Variants in CCND3 observed in about 807,000 individuals in gnomAD.
CCND3 encodes the protein G1/S-specific cyclin-D3.
Under a neutral mutation model 28.7 loss-of-function variants are expected in CCND3, and 9 were observed. The observed-to-expected ratio is 0.31, with a 90% CI of 0.19 to 0.55. CCND3 has a LOEUF of 0.55. Among genes scored for constraint, CCND3 ranks in the 20% least tolerant of loss-of-function variants. CCND3 has a pLI of 0.93. For synonymous variants in CCND3, 164 were observed against 163.9 expected, an observed-to-expected ratio of 1.00 and a Z score of 0.00; for missense variants, 315 against 385.8, an observed-to-expected ratio of 0.82 and a Z score of 1.54.
chr6:41,936,568 G>A lies in CCND3; in HGVS notation c.702C>T (p.Gly234=), dbSNP rs1441983662. The change falls in exon 4 of 5, where the codon GGC becomes GGT. Residue 234 remains glycine (G), a synonymous_variant. Coordinates refer to ENST00000372991, the MANE Select transcript of CCND3 (RefSeq NM_001760.5). This position sits in a 1 kb window ranked among gnomAD's most constrained non-coding sequence, Gnocchi z 4.4. The part of the protein sequence containing the change: ...ELTELLAGIT[G]TEVDCLRACQ... ...GCTACCCAGCACTCACCACTTCAGT[G>A]CCAGTGATCCCTGCCAGCAGCTCTG... 3 of 1,614,036 alleles carry A rather than the reference G, an allele frequency of 1.9e-6. No homozygotes were observed. The highest frequency in any genetic ancestry group is 3.3e-5 in the Admixed American group (2 of 59,998).
intron 1 of CCND3, among the ~76,000 whole-genome samples, chr6:42,040,852 A>AAAAC (rs762079409): frequency 1.3e-5 from 2 of 151,622 alleles, no homozygotes; most frequent in Non-Finnish European, 2.9e-5. Context: ...CTCCATCTCA[A>AAAAC]AAACAAACAA....
chr6:41,960,491 GA>G (rs1423835614), intron 1 of CCND3, among the ~76,000 whole-genome samples: 3 of 152,206 alleles, frequency 2.0e-5, no homozygotes, highest in African/African-American at 7.2e-5. Context: ...ACGAGTGATT[GA>G]GAGCACGGGG....
At chr6:42,031,871 C>CGGCGCGAT (rs1764056357) in intron 1 of CCND3, among the ~76,000 whole-genome samples, 2 of 148,826 alleles carry the variant, frequency 1.3e-5, no homozygotes, top group South Asian at 4.2e-4. Context: ...CTCACTGCAA[C>CGGCGCGAT]CTCCGCCTCC....
At chr6:41,937,978 C>T (rs1775863588) in intron 2 of CCND3, among the ~76,000 whole-genome samples, 1 of 152,192 alleles carries the variant, frequency 6.6e-6, no homozygotes, top group Non-Finnish European at 1.5e-5. Flanking sequence ...CAACCCAAGC[C>T]ACATCCCCTT....
chr6:41,936,348 A>G lies in CCND3; in HGVS notation c.711+211T>C. The G allele has an allele frequency of 1.5e-6, 1 of 680,004 alleles. No individual in the cohort carries two copies. The highest frequency in any genetic ancestry group is 2.4e-6 in the Non-Finnish European group (1 of 413,344). 42.1% of individuals were successfully genotyped at this position (680,004 alleles called of 1,614,324 possible). On this transcript the variant is annotated intron_variant, in intron 4 of 4. Transcript: ENST00000372991. This position sits in a 1 kb window ranked among gnomAD's most constrained non-coding sequence, Gnocchi z 4.4. ...CCACTCCAGCACACCACTTGGCAAG[A>G]AAAGAACCCCTAGGGCCAGTGCCCT... is the stretch of plus-strand genomic sequence containing the variant.
chr6:41,954,653 C>T (rs1288429876), intron 1 of CCND3, among the ~76,000 whole-genome samples: 1 of 152,094 alleles, frequency 6.6e-6, no homozygotes. Flanking sequence ...TCTGCTTCCA[C>T]CTCCCAAAGT....
chr6:41,959,487 A>T (rs1281182640), intron 1 of CCND3, among the ~76,000 whole-genome samples: 1 of 151,828 alleles, frequency 6.6e-6, no homozygotes, highest in East Asian at 1.9e-4. Context: ...GATTGAGACC[A>T]TCCTGGCCAA....
At chr6:42,013,240 T>C (rs921255483) in intron 1 of CCND3, among the ~76,000 whole-genome samples, 5 of 152,148 alleles carry the variant, frequency 3.3e-5, no homozygotes, top group Non-Finnish European at 5.9e-5. Context: ...CAGCCTAAGG[T>C]AGAGTTGGGC....
chr6:41,988,135 G>A (rs1762541037), intron 1 of CCND3, among the ~76,000 whole-genome samples: 1 of 151,802 alleles, frequency 6.6e-6, no homozygotes, highest in Non-Finnish European at 1.5e-5. Context: ...GACCAACATG[G>A]AGAAACCCTG....
In CCND3 at chr6:42,048,451, G is replaced by A. The variant is rs1235926026; in HGVS notation, c.-46+50C>T. On this transcript the variant is annotated intron_variant, in intron 1 of 4. Transcript: ENST00000372988. This position sits in a 1 kb window ranked among gnomAD's most constrained non-coding sequence, Gnocchi z 4.7. The stretch of plus-strand genomic sequence containing the variant: ...ACCGATCCCCAACGCATGGTCTCCA[G>A]CCTGAGCTGACATCCCATCTACCCC... 2.2e-6 allele frequency: 1 copy of A among 460,302 alleles called. No individual in the cohort carries two copies. The highest frequency in any genetic ancestry group is 4.4e-6 in the Non-Finnish European group (1 of 229,784). The allele number at this position is 460,302 out of a possible 1,614,324, so 28.5% of individuals were successfully genotyped here. A position where few individuals can be genotyped will look rare whatever the true frequency, so the allele number is the denominator to read the frequency against.
intron 1 of CCND3, among the ~76,000 whole-genome samples, chr6:42,046,437 A>G (rs1764545305): frequency 6.6e-6 from 1 of 152,176 alleles, no homozygotes; most frequent in Non-Finnish European, 1.5e-5. Flanking sequence ...CACATCTAGA[A>G]TGTGAGCATC....
intron 1 of CCND3, among the ~76,000 whole-genome samples, chr6:42,038,664 A>C (rs750929501): frequency 5.9e-5 from 9 of 152,208 alleles, no homozygotes; most frequent in Non-Finnish European, 8.8e-5. Context: ...AATACTATAG[A>C]AAAAGAATAA....
intron 1 of CCND3, among the ~76,000 whole-genome samples, chr6:42,036,377 CTATATATA>C (rs1162806893): frequency 4.9e-4 from 29 of 59,572 alleles, no homozygotes; most frequent in South Asian, 2.0e-3. Flanking sequence ...TGCATATATA[CTATATATA>C]TATATATATA....
chr6:42,022,982 G>A (rs948971376), intron 1 of CCND3, among the ~76,000 whole-genome samples: 3 of 152,214 alleles, frequency 2.0e-5, no homozygotes, highest in Non-Finnish European at 4.4e-5. Flanking sequence ...ACCATGTACG[G>A]GTACAGCCAA....
Position 41,994,856 on chromosome 6 carries a change from G to A in CCND3, c.-46+53645C>T, listed in dbSNP as rs148012101. 8.7e-4 allele frequency among the ~76,000 whole-genome samples: 133 copies of A among 152,096 alleles called. 2 individuals are homozygous for A. In the East Asian group the frequency reaches 0.017, roughly 20 times the overall value. ...TGGGAGTCCGAGGTGGGCAGATCAC[G>A]AGGTCAGGAGTTCCAGACCAGGCTG... On this transcript the variant is annotated intron_variant, in intron 1 of 4. Coordinates refer to the CCND3 transcript ENST00000372988.
chr6:41,961,647 T>C (rs1761720095), intron 1 of CCND3, among the ~76,000 whole-genome samples: 1 of 152,078 alleles, frequency 6.6e-6, no homozygotes, highest in Non-Finnish European at 1.5e-5. Context: ...CCACAGCTCC[T>C]TCATTGCCTC....
At chr6:41,984,080 A>G (rs539025151) in intron 1 of CCND3, among the ~76,000 whole-genome samples, 6 of 152,202 alleles carry the variant, frequency 3.9e-5, no homozygotes, top group African/African-American at 7.2e-5. Context: ...TTCATTTAGC[A>G]TAATGTCCTC....
intron 1 of CCND3, among the ~76,000 whole-genome samples, chr6:42,040,362 G>A (rs1164023313): frequency 2.0e-5 from 3 of 152,138 alleles, no homozygotes; most frequent in Non-Finnish European, 4.4e-5. Context: ...AGGTTGCAGT[G>A]AGCTGAGATC....
chr6:42,020,170 T>G (rs1287547338), intron 1 of CCND3, among the ~76,000 whole-genome samples: 18 of 151,918 alleles, frequency 1.2e-4, no homozygotes, highest in Admixed American at 1.1e-3. Flanking sequence ...TCCCAGCTAC[T>G]CAGGAGGCTG....
Sources: gnomAD v4.1 joint callset for allele counts (sites outside exome capture counted in the v4.1 genomes callset) on GRCh38, gnomAD v4.1.1 for gene constraint, Gnocchi (gnomAD v3.1) non-coding constraint, MANE v1.5 for transcripts, NCBI Gene and HGNC (gene_info 2026-07-23, HGNC 2026-07-21) for gene names.